The following KHDC4 variants were observed in gnomAD, a reference collection of about 807,000 sequenced individuals.
The protein encoded by KHDC4 is KH homology domain-containing protein 4.
KHDC4 carries 19 observed loss-of-function variants against 74.5 expected under a neutral mutation model. The ratio of observed to expected loss-of-function variants is 0.26; its 90% CI spans 0.18 to 0.37. The LOEUF (loss-of-function observed/expected upper bound fraction) is 0.37. KHDC4 is among the 10% of genes least tolerant of loss of function. The pLI, the probability that KHDC4 is intolerant of heterozygous loss-of-function variation, is 1.00. For synonymous variants in KHDC4, 253 were observed against 266.1 expected, an observed-to-expected ratio of 0.95 and a Z score of 0.48; for missense variants, 632 against 754.1, an observed-to-expected ratio of 0.84 and a Z score of 1.90.
chr1:155,934,265 G>T, intron 1 of KHDC4, 71 bp downstream of exon 1: 1 of 1,506,148 alleles, frequency 6.6e-7, no homozygotes, highest in Non-Finnish European at 9.1e-7. Context: ...CCTATACGCA[G>T]CTTCTCAGGG....
chr1:155,920,896 C>T (rs1673848025), intron 10 of KHDC4, among the ~76,000 whole-genome samples: 1 of 152,190 alleles, frequency 6.6e-6, no homozygotes, highest in Non-Finnish European at 1.5e-5. Flanking sequence ...TTTGTTAACA[C>T]TGCAAAGGTA....
Position 155,925,800 on chromosome 1 carries a change from G to C in KHDC4, c.725C>G (p.Ala242Gly). Residue 242 changes from alanine to glycine, a missense_variant, in exon 7 of 14, where the codon GCT (alanine) becomes GGT (glycine). Physicochemically the swap from Ala to Gly is moderately conservative, Grantham distance 60 (BLOSUM62 0). Transcript: ENST00000368321. ...QDKLFVGLEH[A>G]VPTFNVKEKV... ...CTCCTTGACATTAAAAGTGGGTACA[G>C]CATGTTCTAGACCCACAAATAATTT... 2 of 1,613,988 alleles carry C rather than the reference G, an allele frequency of 1.2e-6. No homozygotes were observed.
chr1:155,923,684 G>T lies in KHDC4; in HGVS notation c.897C>A (p.His299Gln). ...CAGCAGCCAGGCCTTCTGGTTTGGG[G>T]TGACTGCAAAGAAATAACCAGGAAT... The part of the protein sequence containing the change: ...AFEPMYIYIS[H>Q]PKPEGLAAAK... Residue 299 changes from histidine (H) to glutamine (Q), a missense_variant, in exon 8 of 14, where the codon CAC becomes CAA. Physicochemically the swap from His to Gln is conservative, Grantham distance 24. Around this residue, in one of 4 missense-constraint regions of KHDC4, gnomAD observed 233 missense variants for 342.6 expected, o/e 0.68. Transcript: ENST00000368321. The T allele has an allele frequency of 6.2e-7, 1 of 1,612,392 alleles. No homozygotes were observed. The highest frequency in any genetic ancestry group is 8.5e-7 in the Non-Finnish European group (1 of 1,178,492).
chr1:155,914,277 G>A lies in KHDC4; in HGVS notation c.1689C>T (p.Gly563=). 3.7e-6 allele frequency: 6 copies of A among 1,613,318 alleles called. No individual in the cohort carries two copies. The highest frequency in any genetic ancestry group is 5.1e-6 in the Non-Finnish European group (6 of 1,179,928). The stretch of plus-strand genomic sequence containing the variant: ...ATGAATCTGCAGCATAAGCCACCAA[G>A]CCAAATCCCTTCTCTGTAGTTTTCA... ...KKMKTTEKGF[G]LVAYAADSSD... Residue 563 remains glycine, a synonymous_variant, in exon 14 of 14, where the codon GGC becomes GGT. Transcript: ENST00000368321.
chr1:155,927,370 A>C (rs926820322), intron 4 of KHDC4, among the ~76,000 whole-genome samples: 4 of 152,220 alleles, frequency 2.6e-5, no homozygotes, highest in Admixed American at 1.3e-4. Context: ...CAACTGGCCC[A>C]CAGAGTTCAG....
At chr1:155,922,300 C>T (rs185807585) in intron 8 of KHDC4, among the ~76,000 whole-genome samples, 51 of 152,080 alleles carry the variant, frequency 3.4e-4, no homozygotes, top group Non-Finnish European at 5.3e-4. Context: ...CGCGTGCCAC[C>T]GCACCCAGCT....
At position 155,927,837 on chromosome 1, in the gene KHDC4, CACACACA is replaced by C. The variant is rs1557970701; in HGVS notation, c.465-688_465-682del. On this transcript the variant is annotated intron_variant, in intron 4 of 13. Coordinates refer to ENST00000368321, the MANE Select transcript of KHDC4 (RefSeq NM_014949.4). ...AAAAAAAAAAAAAAAAAAAACCACA[CACACACA>C]CACACACACACACACACACACACAC... Among the ~76,000 whole-genome samples the C allele has an allele frequency of 1.0e-3, 11 of 10,722 alleles. No homozygotes were observed. In the East Asian group the frequency reaches 0.014, roughly 14 times the overall value. The allele number at this position is 10,722 out of a possible 152,430, so 7.0% of individuals were successfully genotyped here.
At chr1:155,916,130 C>T (rs1673724717) in intron 12 of KHDC4, among the ~76,000 whole-genome samples, 166 bp from the exon 13 acceptor site, 1 of 152,138 alleles carries the variant, frequency 6.6e-6, no homozygotes, top group Non-Finnish European at 1.5e-5. Context: ...AAGTATAAGG[C>T]CTGTCTACAC....
rs1174800525 is a variant in KHDC4, at chr1:155,921,911, G to A, written c.962C>T (p.Ala321Val). ...CTGATTCACAAATCTAGAGTATTCA[G>A]CATGAACCTGAAAGAGAGGGGGAAA... ...LCENLLQTVH[A>V]EYSRFVNQIN... The change falls in exon 9 of 14, where the codon GCT becomes GTT. Residue 321 changes from alanine to valine, a missense_variant. By Grantham distance (64) the Ala-to-Val change is moderately conservative (BLOSUM62 0). Transcript: ENST00000368321. 22 of 1,605,694 alleles carry A rather than the reference G, an allele frequency of 1.4e-5. No individual in the cohort carries two copies. The highest frequency in any genetic ancestry group is 1.9e-5 in the Non-Finnish European group (22 of 1,173,170).
intron 2 of KHDC4, among the ~76,000 whole-genome samples, chr1:155,931,859 T>A (rs1351643881): frequency 2.6e-5 from 4 of 152,222 alleles, no homozygotes; most frequent in Non-Finnish European, 4.4e-5. Context: ...CCCCTTATAG[T>A]ATTCATTTAC....
At chr1:155,924,112 T>A (rs1341051365) in intron 7 of KHDC4, among the ~76,000 whole-genome samples, 1 of 152,018 alleles carries the variant, frequency 6.6e-6, no homozygotes. Context: ...GGTCAGGAGA[T>A]CGAGACCATC....
chr1:155,922,031 A>AATGTTC, intron 8 of KHDC4, 113 bp from the exon 9 acceptor site: 2 of 639,530 alleles, frequency 3.1e-6, no homozygotes, highest in Non-Finnish European at 5.4e-6. Context: ...TATATCTACC[A>AATGTTC]ATGTTCCAAT....
intron 3 of KHDC4, 54 bp from the exon 4 acceptor site, chr1:155,929,429 G>T: frequency 1.4e-6 from 2 of 1,387,194 alleles, no homozygotes; most frequent in Non-Finnish European, 2.0e-6. Flanking sequence ...GATTTCAATG[G>T]CAGACAGATT....
chr1:155,934,210 C>G, intron 1 of KHDC4, 126 bp downstream of exon 1: 1 of 1,045,980 alleles, frequency 9.6e-7, no homozygotes, highest in South Asian at 1.5e-5. Flanking sequence ...AGATCCTTCT[C>G]CCCAAACGTC....
intron 10 of KHDC4, chr1:155,920,045 C>A: frequency 2.0e-6 from 1 of 511,106 alleles, no homozygotes; most frequent in Non-Finnish European, 3.9e-6. Flanking sequence ...CATTACCATG[C>A]TCTCATTAAG....
intron 2 of KHDC4, 156 bp downstream of exon 2, chr1:155,933,477 G>A (rs988387733): frequency 2.6e-5 from 14 of 533,272 alleles, no homozygotes; most frequent in Non-Finnish European, 4.0e-5. Flanking sequence ...GTAGAGACGG[G>A]GTTTCACCAT....
intron 8 of KHDC4, among the ~76,000 whole-genome samples, chr1:155,923,072 G>A (rs1673902226): frequency 6.6e-6 from 1 of 151,436 alleles, no homozygotes; most frequent in African/African-American, 2.4e-5. Flanking sequence ...GGGCGTAGTG[G>A]CGGGCGCCTG....
rs200697002 is a variant in KHDC4 at position 155,925,595 on chromosome 1, C to T, written c.893+37G>A. On this transcript the variant is annotated intron_variant, in intron 7 of 13. Coordinates refer to ENST00000368321, the MANE Select transcript of KHDC4 (RefSeq NM_014949.4). ...ACTCCTGACTGTACCAACAAGTTGA[C>T]AAGAATTCACATGTCCCCTGCCCTA... 121 of 1,559,886 alleles carry T rather than the reference C, an allele frequency of 7.8e-5. No homozygotes were observed. In the African/African-American group the frequency reaches 1.4e-3, roughly 18 times the overall value.
chr1:155,929,881 A>C (rs535633129), intron 2 of KHDC4, 41 bp from the exon 3 acceptor site: 1 of 1,378,210 alleles, frequency 7.3e-7, no homozygotes, highest in African/African-American at 1.5e-5. Flanking sequence ...TTTTATGATG[A>C]GATAAAGTCT....
Sources: allele counts gnomAD v4.1 joint callset (sites outside exome capture counted in the v4.1 genomes callset), GRCh38; gene constraint gnomAD v4.1.1; regional missense constraint gnomAD v4.1.1; transcripts MANE v1.5; gene names NCBI Gene and HGNC (gene_info 2026-07-23, HGNC 2026-07-21).